The following GZMA variants were observed in gnomAD, a reference collection of about 807,000 sequenced individuals.
GZMA encodes the protein granzyme A, also known as CTL tryptase.
GZMA carries 17 observed loss-of-function variants against 21.1 expected under a neutral mutation model. The observed-to-expected ratio is 0.81, with a 90% CI of 0.55 to 1.21. GZMA has a LOEUF of 1.21. Ranked by LOEUF, GZMA falls within the 50% of genes most tolerant of loss-of-function variation. The probability of loss-of-function intolerance (pLI) is 0.00; values close to 1 mark genes in which losing one functional copy is unlikely to be tolerated. For synonymous variants in GZMA, 90 were observed against 107.8 expected, an observed-to-expected ratio of 0.83 and a Z score of 1.03; for missense variants, 306 against 315.9, an observed-to-expected ratio of 0.97 and a Z score of 0.24.
rs141832139 is a variant in GZMA at position 55,104,502 on chromosome 5, G to A, written c.71-972G>A. On this transcript the variant is annotated intron_variant, in intron 1 of 4. Coordinates refer to ENST00000274306, the MANE Select transcript of GZMA (RefSeq NM_006144.4). ...TGCTCTTACCCTCATCAAATCTTAC[G>A]AAAGGCTTCTATAGCTGTCATTAAT... Among the ~76,000 whole-genome samples the A allele has an allele frequency of 5.4e-3, 825 of 152,244 alleles. 6 individuals carry two copies. The highest frequency in any genetic ancestry group is 9.5e-3 in the Non-Finnish European group (649 of 68,024).
At position 55,107,843 on chromosome 5, in the gene GZMA, G is replaced by A. The variant is rs139073733; in HGVS notation, c.265G>A (p.Glu89Lys). Residue 89 changes from glutamate (E) to lysine (K), a missense_variant, in exon 3 of 5, where the codon GAG (glutamate) becomes AAG (lysine). Coordinates refer to ENST00000274306, the MANE Select transcript of GZMA (RefSeq NM_006144.4). ...TGGGGCTCACTCAATAACCAGGGAAGAGCCAACAAAACAGATAATGCTTGT... is the reference window on the plus strand; with the variant it reads ...TGGGGCTCACTCAATAACCAGGGAAAAGCCAACAAAACAGATAATGCTTGT... ...ILGAHSITRE[E>K]PTKQIMLVKK... 1 of 1,612,892 alleles carries A rather than the reference G, an allele frequency of 6.2e-7. No individual in the cohort carries two copies. The highest frequency in any genetic ancestry group is 8.5e-7 in the Non-Finnish European group (1 of 1,178,910).
chr5:55,108,684 A>T (rs998585099), intron 4 of GZMA, among the ~76,000 whole-genome samples: 1 of 152,216 alleles, frequency 6.6e-6, no homozygotes, highest in Non-Finnish European at 1.5e-5. Flanking sequence ...TCATGTTAAC[A>T]TACGTAGATC....
At position 55,107,993 on chromosome 5, in the gene GZMA, G is replaced by A. The variant is rs80232123; in HGVS notation, c.357+58G>A. 3,607 of 1,523,074 alleles carry A rather than the reference G, an allele frequency of 2.4e-3. 72 individuals carry two copies. The African/African-American group carries it at 0.041, about 17-fold the overall frequency. 94.3% of individuals were successfully genotyped at this position (1,523,074 alleles called of 1,614,324 possible). ...TAGAACCTTCTACAATCTGGCCGCC[G>A]ACGTGAAAACCTTTCCTTGGTGCCC... On this transcript the variant is annotated intron_variant, in intron 3 of 4. Coordinates refer to ENST00000274306, the MANE Select transcript of GZMA (RefSeq NM_006144.4).
In GZMA at chr5:55,108,247, A is replaced by G. The variant is rs1430234959; in HGVS notation, c.480A>G (p.Ala160=). 6.2e-7 allele frequency: 1 copy of G among 1,613,914 alleles called. No individual in the cohort carries two copies. The highest frequency in any genetic ancestry group is 1.3e-5 in the African/African-American group (1 of 74,930). Residue 160 remains alanine (A), a synonymous_variant, in exon 4 of 5, where the codon GCA becomes GCG. Coordinates refer to ENST00000274306, the MANE Select transcript of GZMA (RefSeq NM_006144.4). ...VAGWGRTHNS[A]SWSDTLREVN... Reference sequence around the variant, plus strand: ...GGTGGGGCAGGACTCACAATAGTGCATCTTGGTCCGATACTCTGAGAGAAG... The same window carrying G: ...GGTGGGGCAGGACTCACAATAGTGCGTCTTGGTCCGATACTCTGAGAGAAG...
At chr5:55,108,691 G>C (rs1387684665) in intron 4 of GZMA, among the ~76,000 whole-genome samples, 1 of 152,112 alleles carries the variant, frequency 6.6e-6, no homozygotes, top group Non-Finnish European at 1.5e-5. Flanking sequence ...AACATACGTA[G>C]ATCTAAACTT....
Position 55,110,047 on chromosome 5 carries a change from C to T in GZMA, c.654C>T (p.Cys218=), listed in dbSNP as rs374569624. 1.6e-5 allele frequency: 25 copies of T among 1,610,924 alleles called. No homozygotes were observed. Among genetic ancestry groups the T allele is most frequent in the Non-Finnish European group, 2.0e-5 (23 of 1,178,706 alleles). Residue 218 remains cysteine (C), a synonymous_variant, in exon 5 of 5, where the codon TGC becomes TGT. Coordinates refer to ENST00000274306, the MANE Select transcript of GZMA (RefSeq NM_006144.4). ...CNGDSGSPLL[C]EGVFRGVTSF... ...GAGATTCTGGAAGCCCTTTGTTGTG[C>T]GAGGGTGTTTTCCGAGGGGTCACTT...
At chr5:55,109,572 C>A (rs562420694) in intron 4 of GZMA, among the ~76,000 whole-genome samples, 13 of 152,186 alleles carry the variant, frequency 8.5e-5, no homozygotes, top group Non-Finnish European at 1.3e-4. Flanking sequence ...CTTTATAAGG[C>A]CAACTTTTGC....
intron 2 of GZMA, among the ~76,000 whole-genome samples, chr5:55,107,187 A>G (rs1476081756): frequency 6.6e-6 from 1 of 152,174 alleles, no homozygotes; most frequent in African/African-American, 2.4e-5. Flanking sequence ...ATCAGAAAGC[A>G]TTTTGATTTT....
intron 2 of GZMA, among the ~76,000 whole-genome samples, chr5:55,105,975 AAT>A (rs1163337479): frequency 1.9e-4 from 1 of 5,216 alleles, no homozygotes; most frequent in Non-Finnish European, 4.5e-4. Context: ...TCCATCTCAA[AAT>A]AAAATAAAAT....
At position 55,105,524 on chromosome 5, in the gene GZMA, C is replaced by A; in HGVS notation, c.121C>A (p.Pro41Thr). The change falls in exon 2 of 5, where the codon CCC (proline) becomes ACC (threonine). Residue 41 changes from proline to threonine, a missense_variant. Transcript: ENST00000274306. ...AAATGAAGTAACTCCTCATTCAAGA[C>A]CCTACATGGTCCTACTTAGTCTTGA... is the stretch of plus-strand genomic sequence containing the variant. ...GGNEVTPHSRPYMVLLSLDRK... is the reference protein window; with the variant it reads ...GGNEVTPHSRTYMVLLSLDRK... 1.2e-6 allele frequency: 2 copies of A among 1,611,344 alleles called. No individual in the cohort carries two copies. The highest frequency in any genetic ancestry group is 4.5e-5 in the East Asian group (2 of 44,826).
intron 2 of GZMA, 79 bp from the exon 3 acceptor site, chr5:55,107,715 C>A: frequency 9.9e-7 from 1 of 1,010,940 alleles, no homozygotes; most frequent in Non-Finnish European, 1.5e-6. Context: ...ACAAATGGGA[C>A]AATGAAACTG....
At chr5:55,105,322 C>A (rs779829149) in intron 1 of GZMA, 152 bp from the exon 2 acceptor site, 1 of 619,498 alleles carries the variant, frequency 1.6e-6, no homozygotes, top group Admixed American at 3.2e-5. Flanking sequence ...CATCAGATGT[C>A]TGCGGGTCTA....
At chr5:55,104,703 A>G (rs979289693) in intron 1 of GZMA, among the ~76,000 whole-genome samples, 12 of 152,186 alleles carry the variant, frequency 7.9e-5, no homozygotes, top group Non-Finnish European at 1.6e-4. Context: ...CTCTATCTGC[A>G]TGTATGGTTT....
Position 55,105,578 on chromosome 5 carries a change from A to G in GZMA, c.175A>G (p.Ile59Val). 6.2e-7 allele frequency: 1 copy of G among 1,613,920 alleles called. No individual in the cohort carries two copies. The change falls in exon 2 of 5, where the codon ATT (isoleucine) becomes GTT (valine). Residue 59 changes from isoleucine (I) to valine (V), a missense_variant. Physicochemically the swap from Ile to Val is conservative, Grantham distance 29 (BLOSUM62 3). Coordinates refer to ENST00000274306, the MANE Select transcript of GZMA (RefSeq NM_006144.4). The stretch of plus-strand genomic sequence containing the variant: ...AAAAACCATCTGTGCTGGGGCTTTG[A>G]TTGCAAAAGACTGGGTGTTGACTGC... ...DRKTICAGAL[I>V]AKDWVLTAAH...
In GZMA at chr5:55,107,953, T is replaced by C. The variant is rs1486178820; in HGVS notation, c.357+18T>C. The C allele has an allele frequency of 5.6e-6, 9 of 1,608,534 alleles. No individual in the cohort carries two copies. The highest frequency in any genetic ancestry group is 6.8e-6 in the Non-Finnish European group (8 of 1,175,812). The stretch of plus-strand genomic sequence containing the variant: ...TTTTACAGGTACGTATCTTTGATTG[T>C]CTTCTCAAAAGTCATAGAACCTTCT... On this transcript the variant is annotated intron_variant, in intron 3 of 4. Coordinates refer to ENST00000274306, the MANE Select transcript of GZMA (RefSeq NM_006144.4).
At chr5:55,108,051 GAAATTTT>G in intron 3 of GZMA, 67 bp from the exon 4 acceptor site, 1 of 1,417,094 alleles carries the variant, frequency 7.1e-7, no homozygotes, top group East Asian at 2.3e-5. Flanking sequence ...AGAGGATCCT[GAAATTTT>G]GGACTATAAT....
At chr5:55,104,637 A>G (rs897914765) in intron 1 of GZMA, among the ~76,000 whole-genome samples, 1 of 152,228 alleles carries the variant, frequency 6.6e-6, no homozygotes, top group Non-Finnish European at 1.5e-5. Context: ...AGAATCCAAG[A>G]ACATCTGGTG....
intron 1 of GZMA, among the ~76,000 whole-genome samples, chr5:55,104,400 C>T (rs908445343): frequency 6.6e-6 from 1 of 152,192 alleles, no homozygotes; most frequent in Non-Finnish European, 1.5e-5. Context: ...TTCTTCCTCC[C>T]AGTTTCCTTT....
Position 55,105,528 on chromosome 5 carries a change from A to G in GZMA, c.125A>G (p.Tyr42Cys). 1 of 1,611,080 alleles carries G rather than the reference A, an allele frequency of 6.2e-7. No individual in the cohort carries two copies. The highest frequency in any genetic ancestry group is 8.5e-7 in the Non-Finnish European group (1 of 1,177,298). The part of the protein sequence containing the change: ...GNEVTPHSRP[Y>C]MVLLSLDRKT... Reference sequence around the variant, plus strand: ...GAAGTAACTCCTCATTCAAGACCCTACATGGTCCTACTTAGTCTTGACAGA... The same window carrying G: ...GAAGTAACTCCTCATTCAAGACCCTGCATGGTCCTACTTAGTCTTGACAGA... The change falls in exon 2 of 5, where the codon TAC becomes TGC. Residue 42 changes from tyrosine (Y) to cysteine (C), a missense_variant. By Grantham distance (194) the Tyr-to-Cys change is radical. Coordinates refer to ENST00000274306, the MANE Select transcript of GZMA (RefSeq NM_006144.4).
Sources: allele counts gnomAD v4.1 joint callset (sites outside exome capture counted in the v4.1 genomes callset), GRCh38; gene constraint gnomAD v4.1.1; transcripts MANE v1.5; gene names NCBI Gene and HGNC (gene_info 2026-07-23, HGNC 2026-07-21).